Variants in TMEM135 observed in about 807,000 individuals in gnomAD.
The protein encoded by TMEM135 is peroxisomal membrane protein 52.
TMEM135 carries 30 observed loss-of-function variants against 60.3 expected under a neutral mutation model. The ratio of observed to expected loss-of-function variants is 0.50; its 90% CI spans 0.37 to 0.68. TMEM135 has a LOEUF of 0.68. TMEM135 is among the 30% of genes least tolerant of loss of function. TMEM135 has a pLI of 0.00. For synonymous variants in TMEM135, 190 were observed against 186.7 expected (o/e 1.02, Z -0.14); for missense variants, 468 against 548.8 (o/e 0.85, Z 1.47).
At chr11:87,167,329 C>T (rs1261335718) in intron 5 of TMEM135, among the ~76,000 whole-genome samples, 1 of 152,184 alleles carries the variant, frequency 6.6e-6, no homozygotes, top group Non-Finnish European at 1.5e-5. Context: ...CTGGCCAGAA[C>T]TTCCAATACT....
intron 4 of TMEM135, among the ~76,000 whole-genome samples, chr11:87,129,994 T>A (rs182212514): frequency 1.3e-5 from 2 of 152,138 alleles, no homozygotes; most frequent in Admixed American, 6.5e-5. Context: ...GAATGCAGAG[T>A]GTATACTCCA....
At position 87,269,980 on chromosome 11, in the gene TMEM135, G is replaced by A. The variant is rs11235062; in HGVS notation, c.510-25802G>A. Among the ~76,000 whole-genome samples, 359 of 105,520 alleles carry A rather than the reference G, an allele frequency of 3.4e-3. 7 individuals are homozygous for A. Among genetic ancestry groups the A allele is most frequent in the East Asian group, 5.8e-3 (27 of 4,688 alleles). The allele number at this position is 105,520 out of a possible 152,430, so 69.2% of individuals were successfully genotyped here. A position where few individuals can be genotyped will look rare whatever the true frequency, so the allele number is the denominator to read the frequency against. On this transcript the variant is annotated intron_variant, in intron 6 of 14. Transcript: ENST00000305494. Reference sequence around the variant, plus strand: ...CCACCAACAGTGTAAAAGTGTTCCTGTTTCTCCACATCCTCTCCAGCACCT... The same window carrying A: ...CCACCAACAGTGTAAAAGTGTTCCTATTTCTCCACATCCTCTCCAGCACCT...
At chr11:87,179,827 A>T (rs576532) in intron 5 of TMEM135, among the ~76,000 whole-genome samples, 28,939 of 152,172 alleles carry the variant, frequency 0.19, 2,968 homozygotes, top group African/African-American at 0.25. Context: ...CCCTGGACAG[A>T]ATACACAGCA....
At chr11:87,127,749 G>C (rs778861571) in intron 4 of TMEM135, among the ~76,000 whole-genome samples, 1 of 152,042 alleles carries the variant, frequency 6.6e-6, no homozygotes, top group African/African-American at 2.4e-5. Context: ...TTTTTGTTTG[G>C]TGCTTTGGCA....
Position 87,322,225 on chromosome 11 carries a change from G to A in TMEM135, c.*892G>A, listed in dbSNP as rs760038853. On this transcript the variant is annotated 3_prime_UTR_variant, in exon 15 of 15. Coordinates refer to ENST00000305494, the MANE Select transcript of TMEM135 (RefSeq NM_022918.4). The stretch of plus-strand genomic sequence containing the variant: ...TATATGCCATTGTTGTATTAGAAGG[G>A]ATCAAAATCCTATGGAACAAAGTAG... 4.6e-5 allele frequency: 21 copies of A among 454,246 alleles called. No homozygotes were observed. The highest frequency in any genetic ancestry group is 8.8e-5 in the Non-Finnish European group (20 of 226,746). The allele number at this position is 454,246 out of a possible 1,614,324, so 28.1% of individuals were successfully genotyped here.
intron 6 of TMEM135, among the ~76,000 whole-genome samples, chr11:87,241,593 T>G (rs470820): frequency 0.66 from 100,005 of 151,796 alleles, 33,520 homozygotes; most frequent in Non-Finnish European, 0.71. Context: ...CAAATAGTAG[T>G]TCTTATTCTT....
chr11:87,118,323 T>C (rs937455426), intron 4 of TMEM135, among the ~76,000 whole-genome samples: 1 of 152,238 alleles, frequency 6.6e-6, no homozygotes, highest in African/African-American at 2.4e-5. Context: ...AGTTCTTTTC[T>C]CTAGCTGCGA....
intron 4 of TMEM135, among the ~76,000 whole-genome samples, chr11:87,105,481 G>A (rs770800125): frequency 2.6e-5 from 4 of 152,024 alleles, no homozygotes; most frequent in Non-Finnish European, 5.9e-5. Context: ...TGTCTTTCAC[G>A]AATCCGTTTT....
chr11:87,190,951 C>G (rs192393919), intron 5 of TMEM135, among the ~76,000 whole-genome samples: 8 of 152,114 alleles, frequency 5.3e-5, no homozygotes, highest in African/African-American at 1.9e-4. Flanking sequence ...TTACTTGGTT[C>G]ATTAACTACA....
In TMEM135 at chr11:87,179,434, T is replaced by C. The variant is rs532046204; in HGVS notation, c.462+22028T>C. Among the ~76,000 whole-genome samples, 26 of 152,296 alleles carry C rather than the reference T, an allele frequency of 1.7e-4. No individual in the cohort carries two copies. The South Asian group carries it at 5.2e-3, about 30-fold the overall frequency. ...GTTAGGAGCTATACTTTTGCTATCA[T>C]ATCCAAGAAATCTTTACCTAGTTGG... is the stretch of plus-strand genomic sequence containing the variant. On this transcript the variant is annotated intron_variant, in intron 5 of 14. Transcript: ENST00000305494.
At chr11:87,147,002 A>G (rs569052112) in intron 4 of TMEM135, among the ~76,000 whole-genome samples, 2 of 152,116 alleles carry the variant, frequency 1.3e-5, no homozygotes, top group African/African-American at 2.4e-5. Context: ...GATGATGCCT[A>G]CGTGATTAAA....
intron 5 of TMEM135, among the ~76,000 whole-genome samples, chr11:87,167,476 T>C (rs992908356): frequency 6.6e-6 from 1 of 152,170 alleles, no homozygotes; most frequent in African/African-American, 2.4e-5. Context: ...TTTTGAGATA[T>C]GATCCATCAA....
At chr11:87,293,497 A>G (rs978009462) in intron 6 of TMEM135, among the ~76,000 whole-genome samples, 1 of 151,804 alleles carries the variant, frequency 6.6e-6, no homozygotes, top group African/African-American at 2.4e-5. Flanking sequence ...CAGTCCTCCA[A>G]CTTCCCTCCC....
intron 1 of TMEM135, among the ~76,000 whole-genome samples, chr11:87,062,704 C>G (rs1347333168): frequency 6.6e-6 from 1 of 151,936 alleles, no homozygotes; most frequent in Non-Finnish European, 1.5e-5. Flanking sequence ...ACCTTGTGAT[C>G]CATCTGCCTC....
Position 87,318,142 on chromosome 11 carries a change from G to T in TMEM135, c.1083G>T (p.Met361Ile). The change falls in exon 13 of 15, where the codon ATG becomes ATT. Residue 361 changes from methionine to isoleucine, a missense_variant. By Grantham distance (10) the Met-to-Ile change is conservative (BLOSUM62 1). Coordinates refer to ENST00000305494, the MANE Select transcript of TMEM135 (RefSeq NM_022918.4). ...GTCTTATGCTTGTTTTGCAGACAATGTATTTCAAAGGCATTGAAGCAGGGA... is the reference window on the plus strand; with the variant it reads ...GTCTTATGCTTGTTTTGCAGACAATTTATTTCAAAGGCATTGAAGCAGGGA... ...MYLASKLVET[M>I]YFKGIEAGKV... 3.7e-6 allele frequency: 6 copies of T among 1,611,550 alleles called. No homozygotes were observed. The highest frequency in any genetic ancestry group is 5.1e-6 in the Non-Finnish European group (6 of 1,178,668).
chr11:87,038,074 A>G lies in TMEM135; in HGVS notation c.29A>G (p.His10Arg). 1 of 1,613,926 alleles carries G rather than the reference A, an allele frequency of 6.2e-7. No homozygotes were observed. The highest frequency in any genetic ancestry group is 1.1e-5 in the South Asian group (1 of 91,064). MAALSKSIP[H>R]NCYEIGHTWH... ...GCGGCCCTCAGCAAGTCCATCCCTCATAACTGCTATGAGATCGGCCACACT... is the reference window on the plus strand; with the variant it reads ...GCGGCCCTCAGCAAGTCCATCCCTCGTAACTGCTATGAGATCGGCCACACT... The change falls in exon 1 of 15, where the codon CAT (histidine) becomes CGT (arginine). Residue 10 changes from histidine (H) to arginine (R), a missense_variant. His to Arg is a conservative substitution (Grantham distance 29). Transcript: ENST00000305494.
chr11:87,162,452 A>G (rs1404806568), intron 5 of TMEM135, among the ~76,000 whole-genome samples: 2 of 152,028 alleles, frequency 1.3e-5, no homozygotes, highest in Non-Finnish European at 2.9e-5. Context: ...ACTCCCATTT[A>G]TGAGTGAGAA....
At chr11:87,173,358 T>A (rs1388492737) in intron 5 of TMEM135, among the ~76,000 whole-genome samples, 1 of 152,184 alleles carries the variant, frequency 6.6e-6, no homozygotes. Context: ...CCTTCTTTTT[T>A]CTTTGTTCCC....
At chr11:87,210,571 A>G (rs756420572) in intron 5 of TMEM135, among the ~76,000 whole-genome samples, 10 of 152,288 alleles carry the variant, frequency 6.6e-5, no homozygotes, top group African/African-American at 2.4e-4. Context: ...CTCACAGGTA[A>G]ATTCTATTAG....
Sources: allele counts gnomAD v4.1 joint callset (sites outside exome capture counted in the v4.1 genomes callset), GRCh38; gene constraint gnomAD v4.1.1; transcripts MANE v1.5; gene names NCBI Gene and HGNC (gene_info 2026-07-23, HGNC 2026-07-21).